The following EIF2AK3 variants were observed in gnomAD, a reference collection of about 807,000 sequenced individuals.
EIF2AK3 encodes the protein eukaryotic translation initiation factor 2 alpha kinase 3, also known as eukaryotic translation initiation factor 2-alpha kinase 3.
A neutral mutation model predicts 113.5 loss-of-function variants in EIF2AK3; 50 were observed. That is an observed-to-expected ratio of 0.44 (90% CI 0.35 to 0.56). EIF2AK3 has a LOEUF of 0.56. EIF2AK3 is among the 20% of genes least tolerant of loss of function. The pLI is 0.00. For synonymous variants in EIF2AK3, 448 were observed against 495.4 expected (o/e 0.90, Z 1.27); for missense variants, 1,185 against 1,378.0 (o/e 0.86, Z 2.22).
intron 13 of EIF2AK3, among the ~76,000 whole-genome samples, chr2:88,574,028 T>C (rs1234018183): frequency 2.0e-5 from 3 of 152,234 alleles, no homozygotes; most frequent in Non-Finnish European, 4.4e-5. Context: ...TTGCATATTA[T>C]ATTACTGCAA....
At chr2:88,626,848 GC>G in intron 1 of EIF2AK3, 118 bp downstream of exon 1, 1 of 1,349,466 alleles carries the variant, frequency 7.4e-7, no homozygotes, top group Non-Finnish European at 1.0e-6. Context: ...GTCGCCAGCT[GC>G]CCTCCGCAGC....
chr2:88,583,368 TAAAC>T (rs1312136947), intron 10 of EIF2AK3, 58 bp downstream of exon 10: 17 of 1,341,234 alleles, frequency 1.3e-5, no homozygotes, highest in Admixed American at 1.8e-5. Context: ...AAAAAAAAGT[TAAAC>T]AAGATCTTAG....
rs1674873781 is a variant in EIF2AK3 at position 88,590,912 on chromosome 2, G to C, written c.908C>G (p.Ala303Gly). Residue 303 changes from alanine (A) to glycine (G), a missense_variant, in exon 5 of 17, where the codon GCT becomes GGT. Ala to Gly is a moderately conservative substitution (Grantham distance 60). Around this residue, in one of 3 missense-constraint regions of EIF2AK3, gnomAD observed 877 missense variants for 1,024.2 expected, o/e 0.86. Coordinates refer to ENST00000303236, the MANE Select transcript of EIF2AK3 (RefSeq NM_004836.7). ...KIISDVEEQE[A>G]AIMDIVIKVS... ...CTTTATCACTATGTCCATTATGGCAGCTTCCTGTTCTTCCACATCTGAAAT... is the reference window on the plus strand; with the variant it reads ...CTTTATCACTATGTCCATTATGGCACCTTCCTGTTCTTCCACATCTGAAAT... 4 of 1,613,970 alleles carry C rather than the reference G, an allele frequency of 2.5e-6. No homozygotes were observed. The highest frequency in any genetic ancestry group is 3.4e-6 in the Non-Finnish European group (4 of 1,180,012).
At position 88,570,924 on chromosome 2, in the gene EIF2AK3, C is replaced by T. The variant is rs766524866; in HGVS notation, c.2935G>A (p.Ala979Thr). 7.4e-6 allele frequency: 12 copies of T among 1,613,992 alleles called. No individual in the cohort carries two copies. Among genetic ancestry groups the T allele is most frequent in the Non-Finnish European group, 9.3e-6 (11 of 1,180,014 alleles). ...QTVLTPMPAY[A>T]RHTGQVGTKL... ...GTCCCTACTTGTCCTGTGTGTCTGG[C>T]ATAAGCTGGCATTGGGGTCAGAACC... Residue 979 changes from alanine to threonine, a missense_variant, in exon 14 of 17, where the codon GCC (alanine) becomes ACC (threonine). Physicochemically the swap from Ala to Thr is moderately conservative, Grantham distance 58. Transcript: ENST00000303236.
Position 88,574,813 on chromosome 2 carries a change from C to T in EIF2AK3, c.2670G>A (p.Leu890=). The part of the protein sequence containing the change: ...PKVYLYIQMQ[L]CRKENLKDWM... ...AGTCTTTGAGGTTTTCTTTTCTGCA[C>T]AGCTGCATTTGAATGTAAAGATACA... The change falls in exon 13 of 17, where the codon CTG becomes CTA. Residue 890 remains leucine, a synonymous_variant. Coordinates refer to ENST00000303236, the MANE Select transcript of EIF2AK3 (RefSeq NM_004836.7). The T allele has an allele frequency of 2.5e-6, 4 of 1,614,190 alleles. No individual in the cohort carries two copies. Among genetic ancestry groups the T allele is most frequent in the Non-Finnish European group, 3.4e-6 (4 of 1,180,028 alleles).
At chr2:88,581,104 CAG>C (rs1283961886) in intron 10 of EIF2AK3, among the ~76,000 whole-genome samples, 1 of 151,544 alleles carries the variant, frequency 6.6e-6, no homozygotes, top group East Asian at 1.9e-4. Flanking sequence ...TGATAAATAA[CAG>C]AGCTGAGATT....
chr2:88,626,905 C>T (rs1573431804), intron 1 of EIF2AK3, 62 bp downstream of exon 1: 3 of 1,591,942 alleles, frequency 1.9e-6, no homozygotes, highest in Admixed American at 1.7e-5. Context: ...CCCCCCTACA[C>T]CGCATCCTCC....
chr2:88,558,075 A>G, intron 16 of EIF2AK3, 139 bp from the exon 17 acceptor site: 3 of 789,426 alleles, frequency 3.8e-6, no homozygotes, highest in Non-Finnish European at 6.3e-6. Flanking sequence ...CTCTGATACA[A>G]CTACTCAGCT....
intron 2 of EIF2AK3, among the ~76,000 whole-genome samples, chr2:88,611,317 G>GTAATCC (rs1348608942): frequency 4.6e-5 from 7 of 152,058 alleles, no homozygotes; most frequent in Non-Finnish European, 8.8e-5. Context: ...CCTCAGAAGG[G>GTAATCC]TTACTATGAG....
At chr2:88,604,927 G>T (rs549676050) in intron 2 of EIF2AK3, among the ~76,000 whole-genome samples, 5 of 152,324 alleles carry the variant, frequency 3.3e-5, no homozygotes, top group South Asian at 2.1e-4. Context: ...AGGGAAAGAT[G>T]TAAGTACAAA....
At chr2:88,560,821 C>T (rs915292960) in intron 15 of EIF2AK3, among the ~76,000 whole-genome samples, 1 of 150,062 alleles carries the variant, frequency 6.7e-6, no homozygotes, top group African/African-American at 2.5e-5. Flanking sequence ...TCATTTTGCT[C>T]TATGTGAGAA....
intron 16 of EIF2AK3, 39 bp downstream of exon 16, chr2:88,558,878 A>C (rs543627465): frequency 6.7e-7 from 1 of 1,497,436 alleles, no homozygotes; most frequent in African/African-American, 1.4e-5. Flanking sequence ...CGTTCTAAAG[A>C]TGATTCTAAA....
intron 3 of EIF2AK3, among the ~76,000 whole-genome samples, chr2:88,594,930 C>T (rs1674978101): frequency 6.6e-6 from 1 of 151,194 alleles, no homozygotes; most frequent in African/African-American, 2.4e-5. Flanking sequence ...ATGGTGGCTC[C>T]TGCTTATAAT....
At chr2:88,609,132 A>G (rs1355373608) in intron 2 of EIF2AK3, among the ~76,000 whole-genome samples, 1 of 152,094 alleles carries the variant, frequency 6.6e-6, no homozygotes, top group African/African-American at 2.4e-5. Context: ...GATGCTGAGC[A>G]GCACACACCT....
At chr2:88,558,038 T>C in intron 16 of EIF2AK3, 102 bp from the exon 17 acceptor site, 1 of 1,230,110 alleles carries the variant, frequency 8.1e-7, no homozygotes, top group Non-Finnish European at 1.2e-6. Flanking sequence ...TATTTTAAGC[T>C]TTTGAGCCAT....
rs1179764727 is a variant in EIF2AK3 at position 88,557,844 on chromosome 2, G to A, written c.3243C>T (p.Asp1081=). ...IIENAVFEDL[D]FPGKTVLRQR... is the part of the protein sequence containing the mutation. ...GTCTGAGCACTGTTTTTCCTGGAAA[G>A]TCCAAGTCCTCAAATACAGCATTTT... The change falls in exon 17 of 17, where the codon GAC becomes GAT. Residue 1081 remains aspartate (D), a synonymous_variant. Transcript: ENST00000303236. The A allele has an allele frequency of 1.9e-6, 3 of 1,614,034 alleles. No homozygotes were observed. The highest frequency in any genetic ancestry group is 2.5e-6 in the Non-Finnish European group (3 of 1,180,006).
intron 14 of EIF2AK3, among the ~76,000 whole-genome samples, chr2:88,565,328 G>T (rs1212499863): frequency 6.7e-6 from 1 of 149,012 alleles, no homozygotes; most frequent in East Asian, 2.0e-4. Context: ...CAGCCACCAT[G>T]CCTGGCCAAA....
chr2:88,583,056 T>C (rs1282309401), intron 10 of EIF2AK3, among the ~76,000 whole-genome samples: 4 of 152,140 alleles, frequency 2.6e-5, no homozygotes, highest in Non-Finnish European at 5.9e-5. Context: ...CTACTTCCTA[T>C]TACAGATAGA....
chr2:88,559,284 TAC>T (rs1259677123), intron 15 of EIF2AK3, among the ~76,000 whole-genome samples: 2 of 152,228 alleles, frequency 1.3e-5, no homozygotes, highest in Non-Finnish European at 2.9e-5. Flanking sequence ...ACTGGACAGA[TAC>T]AGATTTTTTT....
Sources: allele counts gnomAD v4.1 joint callset (sites outside exome capture counted in the v4.1 genomes callset), GRCh38; gene constraint gnomAD v4.1.1; regional missense constraint gnomAD v4.1.1; transcripts MANE v1.5; gene names NCBI Gene and HGNC (gene_info 2026-07-23, HGNC 2026-07-21).